Variants in PRX observed in about 807,000 individuals in gnomAD.
The protein encoded by PRX is periaxin.
Under a neutral mutation model 29.6 loss-of-function variants are expected in PRX, and 24 were observed. The ratio of observed to expected loss-of-function variants is 0.81; its 90% CI spans 0.59 to 1.14. The LOEUF (loss-of-function observed/expected upper bound fraction) is 1.14. PRX is among the 50% of genes most tolerant of loss of function. The probability of loss-of-function intolerance (pLI) is 0.00; values close to 1 mark genes in which losing one functional copy is unlikely to be tolerated. For missense variants in PRX, 1,838 were observed against 1,926.4 expected (o/e 0.95, Z 0.86); for synonymous variants, 772 against 831.7 (o/e 0.93, Z 1.24).
intron 5 of PRX, among the ~76,000 whole-genome samples, 163 bp downstream of exon 5, chr19:40,403,543 T>G (rs2079510316): frequency 6.6e-6 from 1 of 152,112 alleles, no homozygotes; most frequent in Non-Finnish European, 1.5e-5. Context: ...CTCCGGAATT[T>G]GCTGTGAACA....
At chr19:40,409,451 C>CTATTATTCTTATTATTATTAT (rs1555802687) in intron 1 of PRX, among the ~76,000 whole-genome samples, 1 of 142,362 alleles carries the variant, frequency 7.0e-6, no homozygotes, top group African/African-American at 2.6e-5. Flanking sequence ...TAAATACTTG[C>CTATTATTCTTATTATTATTAT]TATTATTATT....
chr19:40,393,846 C>T lies in PRX; in HGVS notation c.*120G>A. 3 of 1,495,536 alleles carry T rather than the reference C, an allele frequency of 2.0e-6. No homozygotes were observed. Among genetic ancestry groups the T allele is most frequent in the Non-Finnish European group, 2.7e-6 (3 of 1,094,952 alleles). The allele number at this position is 1,495,536 out of a possible 1,614,324, so 92.6% of individuals were successfully genotyped here. A position where few individuals can be genotyped will look rare whatever the true frequency, so the allele number is the denominator to read the frequency against. ...AGAGAGACAGGAGCAGGCCTCCCTG[C>T]CAGCCCTGGTCAGTCACCCACCTCC... On this transcript the variant is annotated 3_prime_UTR_variant, in exon 7 of 7. Coordinates refer to ENST00000324001, the MANE Select transcript of PRX (RefSeq NM_181882.3).
In PRX at chr19:40,395,188, C is replaced by T. The variant is rs561080969; in HGVS notation, c.3164G>A (p.Arg1055Lys). 1.2e-6 allele frequency: 2 copies of T among 1,614,182 alleles called. No homozygotes were observed. Among genetic ancestry groups the T allele is most frequent in the South Asian group, 2.2e-5 (2 of 91,082 alleles). ...LEGKGWGWDGRVKMPKLKMPS... is the reference protein window; with the variant it reads ...LEGKGWGWDGKVKMPKLKMPS... ...CATCTTCAGCTTGGGCATCTTCACCCTCCCATCCCAGCCCCAGCCCTTGCC... is the reference window on the plus strand; with the variant it reads ...CATCTTCAGCTTGGGCATCTTCACCTTCCCATCCCAGCCCCAGCCCTTGCC... The change falls in exon 7 of 7, where the codon AGG becomes AAG. Residue 1055 changes from arginine (R) to lysine (K), a missense_variant. By Grantham distance (26) the Arg-to-Lys change is conservative. Around this residue, in one of 3 missense-constraint regions of PRX, gnomAD observed 1,143 missense variants for 1,193.0 expected, o/e 0.96. Transcript: ENST00000324001.
chr19:40,402,594 A>C (rs987580712), intron 5 of PRX, among the ~76,000 whole-genome samples: 1 of 150,124 alleles, frequency 6.7e-6, no homozygotes, highest in Non-Finnish European at 1.5e-5. Flanking sequence ...ACACGGTGAA[A>C]CCTCGTCTCT....
Position 40,397,270 on chromosome 19 carries a change from C to CT in PRX, c.1081dup (p.Ser361LysfsTer14). On this transcript the variant is annotated frameshift_variant, in exon 7 of 7. Transcript: ENST00000324001. LOFTEE classifies it low-confidence loss of function (END_TRUNC). Reference sequence around the variant, plus strand: ...TGCTCGAGCCCCAAATCGGGGAAAACTAAGGCGGGGCATCTTCAGGGCCAC... The same window carrying CT: ...TGCTCGAGCCCCAAATCGGGGAAAACTTAAGGCGGGGCATCTTCAGGGCCAC... The CT allele has an allele frequency of 6.2e-7, 1 of 1,613,676 alleles. No individual in the cohort carries two copies. The highest frequency in any genetic ancestry group is 8.5e-7 in the Non-Finnish European group (1 of 1,180,028).
intron 4 of PRX, among the ~76,000 whole-genome samples, chr19:40,406,182 G>A (rs954652936): frequency 6.6e-6 from 1 of 151,224 alleles, no homozygotes; most frequent in Non-Finnish European, 1.5e-5. Context: ...GGGAGGCGGA[G>A]GTTGCAGTGA....
At position 40,398,697 on chromosome 19, in the gene PRX, T is replaced by C. The variant is rs991725640; in HGVS notation, c.304A>G (p.Thr102Ala). The C allele has an allele frequency of 2.5e-6, 4 of 1,613,846 alleles. No individual in the cohort carries two copies. The highest frequency in any genetic ancestry group is 1.3e-5 in the African/African-American group (1 of 74,898). ...VSFCLKRTVPTGDLALRPGTV... is the reference protein window; with the variant it reads ...VSFCLKRTVPAGDLALRPGTV... ...CCGGGCCGCAGAGCCAGGTCCCCGG[T>C]GGGCACAGTGCGCTTCAGGCAGAAG... is the stretch of plus-strand genomic sequence containing the variant. Residue 102 changes from threonine to alanine, a missense_variant, in exon 6 of 7, where the codon ACC (threonine) becomes GCC (alanine). Thr to Ala is a moderately conservative substitution (Grantham distance 58). Transcript: ENST00000324001. The surrounding 1 kb of genome is among the most constrained non-coding windows in gnomAD (Gnocchi z 6.3).
At position 40,397,250 on chromosome 19, in the gene PRX, G is replaced by C. The variant is rs104894715; in HGVS notation, c.1102C>G (p.Arg368Gly). 6.2e-7 allele frequency: 1 copy of C among 1,613,792 alleles called. No individual in the cohort carries two copies. Among genetic ancestry groups the C allele is most frequent in the Non-Finnish European group, 8.5e-7 (1 of 1,180,038 alleles). Reference protein sequence around the residue: ...PRLSFPRFGARAKEVAEAKVA... With the variant: ...PRLSFPRFGAGAKEVAEAKVA... ...TTGGCCTCAGCAACTTCCTTTGCTC[G>C]AGCCCCAAATCGGGGAAAACTAAGG... Residue 368 changes from arginine to glycine, a missense_variant, in exon 7 of 7, where the codon CGA (arginine) becomes GGA (glycine). Physicochemically the swap from Arg to Gly is moderately radical, Grantham distance 125. Transcript: ENST00000324001.
rs759435622 is a variant in PRX, at chr19:40,394,051, C to T, written c.4301G>A (p.Arg1434Gln). The change falls in exon 7 of 7, where the codon CGG becomes CAG. Residue 1434 changes from arginine (R) to glutamine (Q), a missense_variant. By Grantham distance (43) the Arg-to-Gln change is conservative. Coordinates refer to ENST00000324001, the MANE Select transcript of PRX (RefSeq NM_181882.3). This position sits in a 1 kb window ranked among gnomAD's most constrained non-coding sequence, Gnocchi z 5.8. ...AAACCCCACGCTGGGCAGCCGCACCCGCAATCCACCCTCTTCCTGGTCCCC... is the reference window on the plus strand; with the variant it reads ...AAACCCCACGCTGGGCAGCCGCACCTGCAATCCACCCTCTTCCTGGTCCCC... The part of the protein sequence containing the change: ...GSGDQEEGGL[R>Q]VRLPSVGFSE... 37 of 1,612,600 alleles carry T rather than the reference C, an allele frequency of 2.3e-5. No individual in the cohort carries two copies. Among genetic ancestry groups the T allele is most frequent in the Admixed American group, 2.2e-4 (13 of 59,922 alleles).
chr19:40,397,839 T>C lies in PRX; in HGVS notation c.513A>G (p.Lys171=). The change falls in exon 7 of 7, where the codon AAA becomes AAG. Residue 171 remains lysine, a synonymous_variant. Transcript: ENST00000324001. ...PKFSRLRRGL[K]AEAVKGPVPA... ...GGACAGGACCCTTGACAGCCTCGGC[T>C]TTGAGGCCCCGACGCAGGCGGGAGA... The C allele has an allele frequency of 6.3e-7, 1 of 1,599,678 alleles. No individual in the cohort carries two copies. The highest frequency in any genetic ancestry group is 8.5e-7 in the Non-Finnish European group (1 of 1,174,136).
chr19:40,404,424 T>TGGGG (rs71171571), intron 4 of PRX, among the ~76,000 whole-genome samples: 1 of 65,402 alleles, frequency 1.5e-5, no homozygotes, highest in African/African-American at 5.2e-5. Context: ...AGGGCGGGGC[T>TGGGG]GGGGGGGGTT....
rs1304236278 is a variant in PRX, at chr19:40,394,997, T to C, written c.3355A>G (p.Ser1119Gly). ...TTCAGGCCTGACAGCTGCATTCCACTGACGGCCACAGCCCCCTCTGCCCTC... is the reference window on the plus strand; with the variant it reads ...TTCAGGCCTGACAGCTGCATTCCACCGACGGCCACAGCCCCCTCTGCCCTC... Reference protein sequence around the residue: ...EGRAEGAVAVSGMQLSGLKVS... With the variant: ...EGRAEGAVAVGGMQLSGLKVS... The change falls in exon 7 of 7, where the codon AGT becomes GGT. Residue 1119 changes from serine to glycine, a missense_variant. Transcript: ENST00000324001. The surrounding 1 kb of genome is among the most constrained non-coding windows in gnomAD (Gnocchi z 5.8). 9.3e-6 allele frequency: 15 copies of C among 1,609,090 alleles called. No homozygotes were observed. Among genetic ancestry groups the C allele is most frequent in the Non-Finnish European group, 1.3e-5 (15 of 1,179,794 alleles).
Position 40,395,918 on chromosome 19 carries a change from C to G in PRX, c.2434G>C (p.Ala812Pro). The G allele has an allele frequency of 1.2e-6, 2 of 1,614,156 alleles. No individual in the cohort carries two copies. Among genetic ancestry groups the G allele is most frequent in the Non-Finnish European group, 1.7e-6 (2 of 1,180,038 alleles). The stretch of plus-strand genomic sequence containing the variant: ...GGCTTGCCACGTGATGGGGACTCTG[C>G]CCTCCCTAGCTTGGGCATGGTCATC... ...PKMTMPKLGR[A>P]ESPSRGKPGE... Residue 812 changes from alanine to proline, a missense_variant, in exon 7 of 7, where the codon GCA becomes CCA. By Grantham distance (27) the Ala-to-Pro change is conservative. Coordinates refer to ENST00000324001, the MANE Select transcript of PRX (RefSeq NM_181882.3).
At position 40,396,437 on chromosome 19, in the gene PRX, CCTCAGGGAGTTTCAT is replaced by C. The variant is rs575492732; in HGVS notation, c.1900_1914del (p.Met634_Glu638del). ...ATCTCGGGCACCTTCGGGAGTTTCACCTCAGGGAGTTTCATCTCAGGGAGCTTCATCTCTGGGACT... is the reference window on the plus strand; with the variant it reads ...ATCTCGGGCACCTTCGGGAGTTTCACCTCAGGGAGCTTCATCTCTGGGACT... On this transcript the variant is annotated inframe_deletion, in exon 7 of 7. Transcript: ENST00000324001. 9.9e-5 allele frequency: 158 copies of C among 1,603,932 alleles called. No homozygotes were observed. The African/African-American group carries it at 1.8e-3, about 19-fold the overall frequency.
rs776758540 is a variant in PRX, at chr19:40,394,227, C to A, written c.4125G>T (p.Arg1375=). 2 of 1,602,992 alleles carry A rather than the reference C, an allele frequency of 1.2e-6. No homozygotes were observed. The highest frequency in any genetic ancestry group is 1.1e-5 in the South Asian group (1 of 90,252). Residue 1375 remains arginine, a synonymous_variant, in exon 7 of 7, where the codon CGG becomes CGT. Coordinates refer to ENST00000324001, the MANE Select transcript of PRX (RefSeq NM_181882.3). This position sits in a 1 kb window ranked among gnomAD's most constrained non-coding sequence, Gnocchi z 5.8. The stretch of plus-strand genomic sequence containing the variant: ...CCAGGCCTACACGTGGCAAGCGGAC[C>A]CGGACCCGGCCCCGGCGACCCGAGG... The part of the protein sequence containing the change: ...EGASGRRGRV[R]VRLPRVGLAA...
intron 1 of PRX, among the ~76,000 whole-genome samples, chr19:40,412,335 G>T (rs2079562329): frequency 1.3e-5 from 2 of 152,264 alleles, no homozygotes; most frequent in African/African-American, 2.4e-5. Context: ...CTTCCCAGGT[G>T]TGAGGACTTG....
Position 40,397,126 on chromosome 19 carries a change from T to A in PRX, c.1226A>T (p.Glu409Val). 5 of 1,614,126 alleles carry A rather than the reference T, an allele frequency of 3.1e-6. No individual in the cohort carries two copies. The highest frequency in any genetic ancestry group is 4.2e-6 in the Non-Finnish European group (5 of 1,180,030). The change falls in exon 7 of 7, where the codon GAA (glutamate) becomes GTA (valine). Residue 409 changes from glutamate to valine, a missense_variant. Glu to Val is a moderately radical substitution (Grantham distance 121, BLOSUM62 -2). Coordinates refer to ENST00000324001, the MANE Select transcript of PRX (RefSeq NM_181882.3). Reference protein sequence around the residue: ...SLLEPRPAAPEVVESKLKLPT... With the variant: ...SLLEPRPAAPVVVESKLKLPT... ...CAGCTTCAGCTTGCTCTCTACAACT[T>A]CAGGAGCAGCGGGCCGGGGCTCCAA...
intron 5 of PRX, among the ~76,000 whole-genome samples, chr19:40,402,508 A>T (rs1380864397): frequency 1.3e-5 from 2 of 151,792 alleles, no homozygotes; most frequent in Non-Finnish European, 1.5e-5. Flanking sequence ...GCGGTGGCTC[A>T]CACCTGTAAT....
chr19:40,397,133 C>G lies in PRX; in HGVS notation c.1219G>C (p.Ala407Pro). ...AGCTTGCTCTCTACAACTTCAGGAG[C>G]AGCGGGCCGGGGCTCCAAGAGGGAA... ...GLSLLEPRPAAPEVVESKLKL... is the reference protein window; with the variant it reads ...GLSLLEPRPAPPEVVESKLKL... The change falls in exon 7 of 7, where the codon GCT (alanine) becomes CCT (proline). Residue 407 changes from alanine to proline, a missense_variant. Physicochemically the swap from Ala to Pro is conservative, Grantham distance 27. Coordinates refer to ENST00000324001, the MANE Select transcript of PRX (RefSeq NM_181882.3). 6.2e-7 allele frequency: 1 copy of G among 1,614,172 alleles called. No homozygotes were observed. The highest frequency in any genetic ancestry group is 8.5e-7 in the Non-Finnish European group (1 of 1,180,040).
Sources: gnomAD v4.1 joint callset for allele counts (sites outside exome capture counted in the v4.1 genomes callset) on GRCh38, gnomAD v4.1.1 for gene constraint, gnomAD v4.1.1 regional missense constraint, Gnocchi (gnomAD v3.1) non-coding constraint, MANE v1.5 for transcripts, NCBI Gene and HGNC (gene_info 2026-07-23, HGNC 2026-07-21) for gene names.